RIPOR2: variants seen among roughly 807,000 people sequenced by gnomAD.
RIPOR2 encodes the protein rho family-interacting cell polarization regulator 2.
In RIPOR2, 39 loss-of-function variants were observed where a neutral mutation model predicts 114.5. The ratio of observed to expected loss-of-function variants is 0.34; its 90% CI spans 0.26 to 0.44. RIPOR2 has a LOEUF of 0.44. Among genes scored for constraint, RIPOR2 ranks in the 20% least tolerant of loss-of-function variants. The probability of loss-of-function intolerance (pLI) is 1.00; values close to 1 mark genes in which losing one functional copy is unlikely to be tolerated. For missense variants in RIPOR2, 1,007 were observed against 1,255.1 expected, an observed-to-expected ratio of 0.80 and a Z score of 2.99; for synonymous variants, 445 against 484.4, an observed-to-expected ratio of 0.92 and a Z score of 1.07.
At chr6:24,849,433 G>A (rs1389855828) in intron 11 of RIPOR2, among the ~76,000 whole-genome samples, 1 of 152,162 alleles carries the variant, frequency 6.6e-6, no homozygotes, top group Admixed American at 6.5e-5. Flanking sequence ...TGAGGTCAAA[G>A]TACCGCCTAT....
chr6:24,953,608 C>T (rs538803518), intron 1 of RIPOR2, among the ~76,000 whole-genome samples: 19 of 152,282 alleles, frequency 1.2e-4, no homozygotes, highest in Non-Finnish European at 1.9e-4. Context: ...GCAAGAAGGT[C>T]GCTCTCACCT....
upstream of RIPOR2, among the ~76,000 whole-genome samples, chr6:24,939,681 G>C (rs1213148411): frequency 6.6e-6 from 1 of 152,212 alleles, no homozygotes; most frequent in African/African-American, 2.4e-5. Context: ...AGGTCACAGA[G>C]AGTAGTTTTC....
intron 1 of RIPOR2, among the ~76,000 whole-genome samples, chr6:24,933,285 A>G (rs558930115): frequency 3.9e-4 from 59 of 152,348 alleles, no homozygotes; most frequent in African/African-American, 1.4e-3. Context: ...TTTCCCTATC[A>G]TAACACTTAA....
chr6:24,885,227 T>C (rs556300749), intron 1 of RIPOR2, among the ~76,000 whole-genome samples: 18 of 152,272 alleles, frequency 1.2e-4, no homozygotes, highest in African/African-American at 4.3e-4. Context: ...GTTTTTTTGT[T>C]TTTTTGAGAC....
intron 1 of RIPOR2, among the ~76,000 whole-genome samples, chr6:24,964,018 T>C (rs902201187): frequency 1.3e-5 from 2 of 152,090 alleles, no homozygotes; most frequent in Non-Finnish European, 2.9e-5. Context: ...CCGCCTTCCA[T>C]GTAGCTAGGA....
At chr6:24,978,299 T>G (rs1190326769) in intron 1 of RIPOR2, among the ~76,000 whole-genome samples, 1 of 152,122 alleles carries the variant, frequency 6.6e-6, no homozygotes, top group African/African-American at 2.4e-5. Flanking sequence ...TGTCCCCGTT[T>G]CCAATGTGAG....
chr6:24,904,103 C>A (rs115291204), intron 1 of RIPOR2, among the ~76,000 whole-genome samples: 4 of 152,140 alleles, frequency 2.6e-5, no homozygotes, highest in African/African-American at 9.7e-5. Flanking sequence ...AAGGTAGAAG[C>A]GGGGGCAAGG....
chr6:24,900,071 G>A (rs1268007621), intron 1 of RIPOR2, among the ~76,000 whole-genome samples: 1 of 152,176 alleles, frequency 6.6e-6, no homozygotes, highest in Non-Finnish European at 1.5e-5. Flanking sequence ...AGCCTACGTG[G>A]ACAGTCTCTG....
At chr6:24,917,995 G>A (rs1770207859) in intron 1 of RIPOR2, among the ~76,000 whole-genome samples, 1 of 152,186 alleles carries the variant, frequency 6.6e-6, no homozygotes. Flanking sequence ...CTGGTTTGCA[G>A]GTTATCCCAT....
intron 1 of RIPOR2, among the ~76,000 whole-genome samples, chr6:24,882,855 T>C (rs1195628213): frequency 2.0e-5 from 3 of 152,232 alleles, no homozygotes; most frequent in Non-Finnish European, 4.4e-5. Context: ...GTCTACCCCA[T>C]ATTCCATGTG....
chr6:24,833,122 T>A (rs1760813614), intron 15 of RIPOR2, among the ~76,000 whole-genome samples: 2 of 152,340 alleles, frequency 1.3e-5, no homozygotes, highest in African/African-American at 4.8e-5. Flanking sequence ...GCCCAATGGT[T>A]CTACTCCTTT....
At chr6:24,896,866 G>A (rs1015229098) in intron 1 of RIPOR2, among the ~76,000 whole-genome samples, 17 of 152,166 alleles carry the variant, frequency 1.1e-4, no homozygotes, top group Non-Finnish European at 2.4e-4. Flanking sequence ...TTGTACCACT[G>A]CACTCTAGCC....
Position 24,843,369 on chromosome 6 carries a change from C to G in RIPOR2, c.1350G>C (p.Leu450Phe). ...CATCCATACCCTCATTCTGGGAGGC[C>G]AAGCTGCTGAGGTTAAACTCCGCAG... ...ITPAEFNLSS[L>F]ASQNEGMDDT... The change falls in exon 13 of 22, where the codon TTG (leucine) becomes TTC (phenylalanine). Residue 450 changes from leucine to phenylalanine, a missense_variant. Coordinates refer to ENST00000643898, the MANE Select transcript of RIPOR2 (RefSeq NM_001286445.3). The G allele has an allele frequency of 6.2e-7, 1 of 1,613,816 alleles. No homozygotes were observed. The highest frequency in any genetic ancestry group is 8.5e-7 in the Non-Finnish European group (1 of 1,179,864).
chr6:24,970,443 C>T (rs1439430670), intron 1 of RIPOR2, among the ~76,000 whole-genome samples: 1 of 152,150 alleles, frequency 6.6e-6, no homozygotes, highest in Non-Finnish European at 1.5e-5. Flanking sequence ...AGAGCAAGAA[C>T]AGGGGAGGGT....
chr6:25,040,252 A>T (rs897654534), intron 1 of RIPOR2, among the ~76,000 whole-genome samples: 1 of 151,698 alleles, frequency 6.6e-6, no homozygotes, highest in Non-Finnish European at 1.5e-5. Context: ...AGTAGTTGGG[A>T]TTACAGGTGC....
chr6:25,036,626 C>T (rs1005341439), intron 1 of RIPOR2, among the ~76,000 whole-genome samples: 2 of 152,088 alleles, frequency 1.3e-5, no homozygotes, highest in East Asian at 3.9e-4. Context: ...TTCCTGGCCT[C>T]GAGTGATCCT....
chr6:24,957,318 G>A (rs1235378848), intron 1 of RIPOR2, among the ~76,000 whole-genome samples: 4 of 152,156 alleles, frequency 2.6e-5, no homozygotes, highest in African/African-American at 9.7e-5. Flanking sequence ...CTCATAGCAA[G>A]ACTATGATAT....
Position 24,871,599 on chromosome 6 carries a change from G to A in RIPOR2, c.424-710C>T, listed in dbSNP as rs1043801069. On this transcript the variant is annotated intron_variant, in intron 4 of 21. Transcript: ENST00000643898. The stretch of plus-strand genomic sequence containing the variant: ...ACTCCTGACCTTGGGTGATCCACCC[G>A]CCTCAGCCTCCCAAAGTGCTGGGGA... Among the ~76,000 whole-genome samples the A allele has an allele frequency of 5.9e-5, 9 of 152,228 alleles. No individual in the cohort carries two copies. The South Asian group carries it at 8.3e-4, about 14-fold the overall frequency.
Position 24,983,756 on chromosome 6 carries a change from CAA to C in RIPOR2, c.76+58093_76+58094del, listed in dbSNP as rs34480037. On this transcript the variant is annotated intron_variant, in intron 1 of 13. Coordinates refer to the RIPOR2 transcript ENST00000510784. Reference sequence around the variant, plus strand: ...TGGGCAACAGAACGAGACTGTGTCTCAAAAAAAAAAAAAAAAAAAAAAAAAGC... The same window carrying C: ...TGGGCAACAGAACGAGACTGTGTCTCAAAAAAAAAAAAAAAAAAAAAAAGC... Among the ~76,000 whole-genome samples the C allele has an allele frequency of 1.8e-3, 86 of 47,172 alleles. 1 individual carries two copies. In the East Asian group the frequency reaches 0.019, roughly 10 times the overall value. The allele number at this position is 47,172 out of a possible 152,430, so 30.9% of individuals were successfully genotyped here.
Sources: gnomAD v4.1 joint callset for allele counts (sites outside exome capture counted in the v4.1 genomes callset) on GRCh38, gnomAD v4.1.1 for gene constraint, MANE v1.5 for transcripts, NCBI Gene and HGNC (gene_info 2026-07-23, HGNC 2026-07-21) for gene names.